The following CAPZB variants were observed in gnomAD, a reference collection of about 807,000 sequenced individuals.
CAPZB encodes F-actin-capping protein subunit beta.
CAPZB carries 2 observed loss-of-function variants against 38.1 expected under a neutral mutation model. The ratio of observed to expected loss-of-function variants is 0.05; its 90% CI spans 0.02 to 0.17. The LOEUF is 0.17. Ranked by LOEUF, CAPZB falls within the 10% of genes least tolerant of loss-of-function variation. The pLI, the probability that CAPZB is intolerant of heterozygous loss-of-function variation, is 1.00. For synonymous variants in CAPZB, 107 were observed against 127.4 expected, an observed-to-expected ratio of 0.84 and a Z score of 1.08; for missense variants, 161 against 334.2, an observed-to-expected ratio of 0.48 and a Z score of 4.04.
chr1:19,477,092 A>AATG (rs1402219247), intron 1 of CAPZB, among the ~76,000 whole-genome samples: 1 of 152,204 alleles, frequency 6.6e-6, no homozygotes, highest in African/African-American at 2.4e-5. Context: ...AATTACAGAC[A>AATG]ATGACTGTGG....
At chr1:19,418,431 C>A (rs2100499555) in intron 2 of CAPZB, among the ~76,000 whole-genome samples, 1 of 152,258 alleles carries the variant, frequency 6.6e-6, no homozygotes, top group Non-Finnish European at 1.5e-5. Flanking sequence ...TATGTTACTA[C>A]CCCCCTGAAA....
At chr1:19,367,505 G>C (rs114780722) in intron 4 of CAPZB, among the ~76,000 whole-genome samples, 194 of 152,344 alleles carry the variant, frequency 1.3e-3, no homozygotes, top group Non-Finnish European at 2.4e-3. Context: ...AATGGAGAAA[G>C]ATCAATGCTT....
intron 8 of CAPZB, chr1:19,342,636 G>A: frequency 1.5e-6 from 1 of 689,626 alleles, no homozygotes; most frequent in Non-Finnish European, 2.6e-6. Context: ...GGGAGCACAC[G>A]TGGGGGTTAG....
At chr1:19,345,316 C>T in intron 6 of CAPZB, 64 bp from the exon 7 acceptor site, 1 of 1,292,432 alleles carries the variant, frequency 7.7e-7, no homozygotes, top group Non-Finnish European at 1.1e-6. Flanking sequence ...GGCAGACAGC[C>T]CACCCCACCT....
At chr1:19,395,884 C>A (rs2094264814) in intron 2 of CAPZB, among the ~76,000 whole-genome samples, 1 of 152,228 alleles carries the variant, frequency 6.6e-6, no homozygotes, top group South Asian at 2.1e-4. Flanking sequence ...GGCCAGCCAG[C>A]CGGCAGGAGA....
At chr1:19,475,393 A>C (rs2050828) in intron 1 of CAPZB, among the ~76,000 whole-genome samples, 151,100 of 152,318 alleles carry the variant, frequency 0.99, 74,960 homozygotes, top group South Asian at 1. Context: ...GAAAGCCACC[A>C]GTGTGACTTC....
In CAPZB at chr1:19,436,637, T is replaced by C. The variant is rs115879397; in HGVS notation, c.4-16887A>G. Among the ~76,000 whole-genome samples the C allele has an allele frequency of 6.4e-3, 967 of 151,936 alleles. 9 individuals are homozygous for C. Among genetic ancestry groups the C allele is most frequent in the African/African-American group, 0.021 (860 of 41,468 alleles). ...TCGATATTATCTGTGGTTTCAGGCA[T>C]CCAATGGGGGTCTTGGAGTATATCC... On this transcript the variant is annotated intron_variant, in intron 1 of 8. Coordinates refer to ENST00000264202, the MANE Select transcript of CAPZB (RefSeq NM_004930.5).
At position 19,357,708 on chromosome 1, in the gene CAPZB, C is replaced by A; in HGVS notation, c.330-145G>T. 2.8e-6 allele frequency: 2 copies of A among 703,722 alleles called. No homozygotes were observed. Among genetic ancestry groups the A allele is most frequent in the South Asian group, 1.9e-5 (1 of 52,158 alleles). The allele number at this position is 703,722 out of a possible 1,614,324, so 43.6% of individuals were successfully genotyped here. On this transcript the variant is annotated intron_variant, in intron 4 of 8. Transcript: ENST00000264202. This position sits in a 1 kb window ranked among gnomAD's most constrained non-coding sequence, Gnocchi z 4.3. ...AGCCGATCCTTGGGTGTGTTCTGAT[C>A]GTTCTGTGGCTGGGGGAGGGGGTGC...
intron 1 of CAPZB, among the ~76,000 whole-genome samples, chr1:19,422,408 T>C (rs917490717): frequency 1.3e-5 from 2 of 152,148 alleles, no homozygotes; most frequent in African/African-American, 2.4e-5. Context: ...CAGAATCTGA[T>C]TGACAATAAA....
intron 4 of CAPZB, among the ~76,000 whole-genome samples, chr1:19,370,884 A>C (rs937608): frequency 6.6e-6 from 1 of 152,016 alleles, no homozygotes; most frequent in East Asian, 1.9e-4. Flanking sequence ...CCCAGCTCTC[A>C]TTCCTTTGCA....
intron 6 of CAPZB, among the ~76,000 whole-genome samples, chr1:19,355,486 C>A (rs1169861879): frequency 1.4e-5 from 2 of 146,000 alleles, no homozygotes; most frequent in East Asian, 2.0e-4. Context: ...CAGAGCGAGA[C>A]TCCGTCTCAA....
chr1:19,464,289 A>ATT (rs891453430), intron 1 of CAPZB, among the ~76,000 whole-genome samples: 22 of 132,550 alleles, frequency 1.7e-4, no homozygotes, highest in African/African-American at 3.7e-4. Flanking sequence ...ATCTCTGAAG[A>ATT]TTTTTTTTTT....
chr1:19,472,420 C>A (rs1340408144), intron 1 of CAPZB, among the ~76,000 whole-genome samples: 1 of 152,162 alleles, frequency 6.6e-6, no homozygotes, highest in African/African-American at 2.4e-5. Flanking sequence ...GGCCTCTGCT[C>A]GTCCCTGGCC....
chr1:19,353,477 C>T (rs2094003294), intron 6 of CAPZB, among the ~76,000 whole-genome samples: 3 of 152,080 alleles, frequency 2.0e-5, no homozygotes, highest in Admixed American at 2.0e-4. Flanking sequence ...TTCCCCTGCC[C>T]TTCTGTTTCT....
rs117995225 is a variant in CAPZB, at chr1:19,480,472, C to G, written c.3+4964G>C. 8.3e-4 allele frequency among the ~76,000 whole-genome samples: 126 copies of G among 152,320 alleles called. No homozygotes were observed. In the East Asian group the frequency reaches 0.023, roughly 28 times the overall value. On this transcript the variant is annotated intron_variant, in intron 1 of 8. Coordinates refer to ENST00000264202, the MANE Select transcript of CAPZB (RefSeq NM_004930.5). ...CAGAGACCATGTTCTGTGGAGCAGG[C>G]AGCCGCCTCTCAGCTCTCACTCAGT...
At position 19,357,660 on chromosome 1, in the gene CAPZB, G is replaced by A; in HGVS notation, c.330-97C>T. On this transcript the variant is annotated intron_variant, in intron 4 of 8. Coordinates refer to ENST00000264202, the MANE Select transcript of CAPZB (RefSeq NM_004930.5). The surrounding 1 kb of genome is among the most constrained non-coding windows in gnomAD (Gnocchi z 4.3). ...CTCAGCAAAGATTCTGGGATTCAGG[G>A]CCCTCCCTGCGACAGTTATGGGAGC... 8.2e-7 allele frequency: 1 copy of A among 1,221,954 alleles called. No homozygotes were observed. The highest frequency in any genetic ancestry group is 1.3e-5 in the South Asian group (1 of 74,478). The allele number at this position is 1,221,954 out of a possible 1,614,324, so 75.7% of individuals were successfully genotyped here.
intron 8 of CAPZB, among the ~76,000 whole-genome samples, 195 bp downstream of exon 8, chr1:19,344,163 C>A (rs890640601): frequency 1.3e-5 from 2 of 152,190 alleles, no homozygotes; most frequent in African/African-American, 2.4e-5. Flanking sequence ...TAGGGACCGA[C>A]AGCTGCTACG....
At chr1:19,404,785 C>T (rs558571601) in intron 2 of CAPZB, among the ~76,000 whole-genome samples, 1 of 152,270 alleles carries the variant, frequency 6.6e-6, no homozygotes, top group Non-Finnish European at 1.5e-5. Context: ...TGGATTCCAG[C>T]CGCTCCTGTC....
At chr1:19,462,969 T>C (rs543626998) in intron 1 of CAPZB, among the ~76,000 whole-genome samples, 3 of 152,322 alleles carry the variant, frequency 2.0e-5, no homozygotes, top group South Asian at 2.1e-4. Context: ...AGCCCAGATA[T>C]AGAACATTTC....
Sources: allele counts gnomAD v4.1 joint callset (sites outside exome capture counted in the v4.1 genomes callset), GRCh38; gene constraint gnomAD v4.1.1; non-coding constraint Gnocchi (gnomAD v3.1); transcripts MANE v1.5; gene names NCBI Gene and HGNC (gene_info 2026-07-23, HGNC 2026-07-21).